The following DGKB variants were observed in gnomAD, a reference collection of about 807,000 sequenced individuals.
DGKB encodes the protein 90 kDa diacylglycerol kinase.
DGKB carries 67 observed loss-of-function variants against 114.3 expected under a neutral mutation model. That is an observed-to-expected ratio of 0.59 (90% confidence interval 0.48 to 0.72). DGKB has a LOEUF of 0.72. Ranked by LOEUF, DGKB falls within the 30% of genes least tolerant of loss-of-function variation. DGKB has a pLI of 0.00. For missense variants in DGKB, 907 were observed against 975.2 expected, an observed-to-expected ratio of 0.93 and a Z score of 0.93; for synonymous variants, 398 against 323.1, an observed-to-expected ratio of 1.23 and a Z score of -2.49.
At chr7:14,536,830 A>T (rs1471694130) in intron 20 of DGKB, among the ~76,000 whole-genome samples, 1 of 117,802 alleles carries the variant, frequency 8.5e-6, no homozygotes, top group Non-Finnish European at 1.7e-5. Flanking sequence ...AGCAAGAGCA[A>T]TTAAGAAAGG....
At chr7:14,943,102 T>G (rs1276963810) in intron 1 of DGKB, among the ~76,000 whole-genome samples, 1 of 152,034 alleles carries the variant, frequency 6.6e-6, no homozygotes, top group Non-Finnish European at 1.5e-5. Context: ...CTTTATTTTC[T>G]TTCTTTTTAT....
In DGKB at chr7:14,436,846, C is replaced by T. The variant is rs571683917; in HGVS notation, c.1835+41315G>A. Among the ~76,000 whole-genome samples, 20 of 151,848 alleles carry T rather than the reference C, an allele frequency of 1.3e-4. 1 individual carries two copies. The highest frequency in any genetic ancestry group is 4.3e-4 in the African/African-American group (18 of 41,442). On this transcript the variant is annotated intron_variant, in intron 21 of 25. Coordinates refer to ENST00000402815, the MANE Select transcript of DGKB (RefSeq NM_001350709.2). ...TATTAAATTATTAAAAGTACTGGAA[C>T]CAAAAAAAGTGAGAATCATCCTCAA...
At chr7:14,693,569 C>G (rs764688197) in intron 9 of DGKB, among the ~76,000 whole-genome samples, 1 of 150,542 alleles carries the variant, frequency 6.6e-6, no homozygotes, top group African/African-American at 2.4e-5. Flanking sequence ...AAAGTCATTG[C>G]GTTTTCTGCC....
chr7:14,326,854 C>G (rs1294326913), intron 23 of DGKB, among the ~76,000 whole-genome samples: 1 of 152,032 alleles, frequency 6.6e-6, no homozygotes, highest in African/African-American at 2.4e-5. Context: ...TTGATATCTA[C>G]ATGTCCATTA....
At chr7:14,972,292 T>C (rs1434928196) in intron 1 of DGKB, among the ~76,000 whole-genome samples, 1 of 152,158 alleles carries the variant, frequency 6.6e-6, no homozygotes, top group Non-Finnish European at 1.5e-5. Context: ...ATTCCTCATG[T>C]ACTCTAAAAG....
chr7:14,890,707 A>C (rs762162231), intron 1 of DGKB, among the ~76,000 whole-genome samples: 1 of 151,252 alleles, frequency 6.6e-6, no homozygotes, highest in Non-Finnish European at 1.5e-5. Flanking sequence ...CTAATCACCT[A>C]TTCTCCTCAC....
At chr7:14,442,107 A>C (rs1830160315) in intron 21 of DGKB, among the ~76,000 whole-genome samples, 1 of 151,984 alleles carries the variant, frequency 6.6e-6, no homozygotes, top group South Asian at 2.1e-4. Flanking sequence ...AACAAATTTA[A>C]ATTTGTAAGT....
intron 23 of DGKB, among the ~76,000 whole-genome samples, chr7:14,310,589 T>C (rs1337402032): frequency 3.3e-5 from 5 of 152,210 alleles, no homozygotes; most frequent in Admixed American, 2.6e-4. Context: ...GGCACCCTTC[T>C]TCTTCCTCCA....
At chr7:14,731,821 G>A (rs1363738435) in intron 5 of DGKB, among the ~76,000 whole-genome samples, 3 of 152,174 alleles carry the variant, frequency 2.0e-5, no homozygotes, top group Admixed American at 1.3e-4. Flanking sequence ...GCAGAGACGA[G>A]AGATTAGAGA....
intron 13 of DGKB, among the ~76,000 whole-genome samples, chr7:14,661,123 C>T (rs1201557849): frequency 6.6e-6 from 1 of 152,148 alleles, no homozygotes; most frequent in African/African-American, 2.4e-5. Flanking sequence ...CTAGGCTTTA[C>T]CATTCGGGAC....
intron 1 of DGKB, among the ~76,000 whole-genome samples, chr7:14,935,546 G>T (rs1397192496): frequency 6.6e-6 from 1 of 152,096 alleles, no homozygotes; most frequent in East Asian, 1.9e-4. Context: ...AATAGCAGCA[G>T]TAATTTTATA....
At chr7:14,237,034 T>A (rs1226560066) in intron 23 of DGKB, among the ~76,000 whole-genome samples, 1 of 151,990 alleles carries the variant, frequency 6.6e-6, no homozygotes, top group Non-Finnish European at 1.5e-5. Flanking sequence ...GTGGATAAAC[T>A]TCTTTCTGTT....
intron 20 of DGKB, among the ~76,000 whole-genome samples, chr7:14,486,236 C>G (rs62443470): frequency 0.095 from 14,494 of 152,152 alleles, 1,102 homozygotes; most frequent in East Asian, 0.45. Context: ...AGTAGCTATA[C>G]ACTGGGAGAA....
chr7:14,282,503 C>G (rs1460174718), intron 23 of DGKB, among the ~76,000 whole-genome samples: 2 of 152,060 alleles, frequency 1.3e-5, no homozygotes, highest in African/African-American at 4.8e-5. Context: ...TCCTCCCTCA[C>G]TCATTTGATG....
chr7:14,167,198 G>C (rs1458343175), intron 25 of DGKB, among the ~76,000 whole-genome samples: 1 of 98,758 alleles, frequency 1.0e-5, no homozygotes, highest in East Asian at 3.1e-4. Flanking sequence ...GTAACAGAAT[G>C]AGACTCCATC....
At chr7:14,835,757 A>G (rs1027263069) in intron 2 of DGKB, among the ~76,000 whole-genome samples, 1 of 152,092 alleles carries the variant, frequency 6.6e-6, no homozygotes, top group Non-Finnish European at 1.5e-5. Context: ...AGCTTTTCCT[A>G]TTTTGGAAAC....
intron 20 of DGKB, among the ~76,000 whole-genome samples, chr7:14,563,533 CTA>C (rs1160204530): frequency 1.3e-5 from 2 of 151,578 alleles, no homozygotes; most frequent in Non-Finnish European, 2.9e-5. Context: ...TTAATATTTT[CTA>C]TCTTTTTGTT....
intron 6 of DGKB, 62 bp from the exon 7 acceptor site, chr7:14,701,792 G>T: frequency 9.0e-7 from 1 of 1,113,782 alleles, no homozygotes; most frequent in Non-Finnish European, 1.4e-6. Context: ...TTAGTTTAAA[G>T]TATATTCATT....
rs116985089 is a variant in DGKB at position 14,414,944 on chromosome 7, A to G, written c.1835+63217T>C. ...ACATAAAATTTAAATACTCTGAAGAAAGCACCTAGTCATTTCAAGACTTTC... is the reference window on the plus strand; with the variant it reads ...ACATAAAATTTAAATACTCTGAAGAGAGCACCTAGTCATTTCAAGACTTTC... On this transcript the variant is annotated intron_variant, in intron 21 of 25. Transcript: ENST00000402815. Among the ~76,000 whole-genome samples the G allele has an allele frequency of 7.8e-3, 1,185 of 152,200 alleles. 14 individuals carry two copies. Among genetic ancestry groups the G allele is most frequent in the African/African-American group, 0.025 (1,044 of 41,556 alleles).
Sources: gnomAD v4.1 joint callset for allele counts (sites outside exome capture counted in the v4.1 genomes callset) on GRCh38, gnomAD v4.1.1 for gene constraint, MANE v1.5 for transcripts, NCBI Gene and HGNC (gene_info 2026-07-23, HGNC 2026-07-21) for gene names.